CNTN4: variants seen among roughly 807,000 people sequenced by gnomAD.
CNTN4 encodes the protein contactin 4, also known as contactin-4.
CNTN4 carries 77 observed loss-of-function variants against 122.5 expected under a neutral mutation model. The observed-to-expected ratio is 0.63, with a 90% CI of 0.52 to 0.76. The LOEUF is 0.76. Among genes scored for constraint, CNTN4 ranks in the 30% least tolerant of loss-of-function variants. CNTN4 has a pLI of 0.00. For missense variants in CNTN4, 1,256 were observed against 1,259.1 expected (o/e 1.00, Z 0.04); for synonymous variants, 512 against 447.0 (o/e 1.15, Z -1.83).
At chr3:2,985,944 T>A (rs527564959) in intron 13 of CNTN4, among the ~76,000 whole-genome samples, 1 of 148,096 alleles carries the variant, frequency 6.8e-6, no homozygotes, top group South Asian at 2.2e-4. Context: ...AGACAGGGTC[T>A]CGCTCTGTCT....
At chr3:2,440,866 CAT>C (rs537820563) in intron 3 of CNTN4, among the ~76,000 whole-genome samples, 36 of 143,796 alleles carry the variant, frequency 2.5e-4, no homozygotes, top group African/African-American at 8.3e-4. Flanking sequence ...ATATATCTAA[CAT>C]ATATGTATAT....
intron 2 of CNTN4, among the ~76,000 whole-genome samples, chr3:2,117,848 T>C (rs1403613990): frequency 6.6e-6 from 1 of 152,218 alleles, no homozygotes; most frequent in African/African-American, 2.4e-5. Context: ...GATTTATTTA[T>C]TTAACAATGT....
intron 4 of CNTN4, among the ~76,000 whole-genome samples, chr3:2,711,388 T>C (rs1283536119): frequency 2.6e-5 from 4 of 152,242 alleles, no homozygotes; most frequent in African/African-American, 9.6e-5. Context: ...GAATCTTTTT[T>C]CTTTTAAATG....
intron 2 of CNTN4, among the ~76,000 whole-genome samples, chr3:2,175,398 G>T (rs2036706317): frequency 6.6e-6 from 1 of 151,866 alleles, no homozygotes; most frequent in Non-Finnish European, 1.5e-5. Context: ...TTTCAACAAG[G>T]AAAAAAAGTC....
intron 2 of CNTN4, among the ~76,000 whole-genome samples, chr3:2,189,322 G>A (rs1397248035): frequency 2.0e-5 from 3 of 152,234 alleles, no homozygotes; most frequent in South Asian, 2.1e-4. Flanking sequence ...GATGCCTGCC[G>A]CTAGAAGGCT....
At chr3:2,135,841 G>C (rs1452891926) in intron 2 of CNTN4, among the ~76,000 whole-genome samples, 1 of 152,196 alleles carries the variant, frequency 6.6e-6, no homozygotes, top group Non-Finnish European at 1.5e-5. Context: ...GGAGAGACTA[G>C]AGAGGCAAGC....
chr3:2,636,330 A>G (rs1372374630), intron 4 of CNTN4, among the ~76,000 whole-genome samples: 2 of 152,200 alleles, frequency 1.3e-5, no homozygotes, highest in Non-Finnish European at 2.9e-5. Flanking sequence ...CCCCTCTGTT[A>G]CTATTGAGGA....
At chr3:2,324,260 G>A (rs1175547864) in intron 2 of CNTN4, among the ~76,000 whole-genome samples, 2 of 133,378 alleles carry the variant, frequency 1.5e-5, no homozygotes, top group African/African-American at 2.7e-5. Flanking sequence ...AGTGGTGAGA[G>A]GAGAAGAATG....
chr3:2,234,860 C>T (rs763443514), intron 2 of CNTN4, among the ~76,000 whole-genome samples: 9 of 152,126 alleles, frequency 5.9e-5, no homozygotes, highest in Non-Finnish European at 1.0e-4. Context: ...AGTATTTTCT[C>T]ACTCACAAAA....
chr3:2,841,062 C>G lies in CNTN4; in HGVS notation c.454+21481C>G, dbSNP rs2093353797. Among the ~76,000 whole-genome samples the G allele has an allele frequency of 6.6e-6, 1 of 152,116 alleles. No individual in the cohort carries two copies. Among genetic ancestry groups the G allele is most frequent in the African/African-American group, 2.4e-5 (1 of 41,434 alleles). ...GAAATCAAAGAGTGAGGAAAAAAGT[C>G]AAGGATCTTCAAAATCATACATGAC... is the stretch of plus-strand genomic sequence containing the variant. On this transcript the variant is annotated intron_variant, in intron 7 of 24. Transcript: ENST00000418658. The surrounding 1 kb of genome is among the most constrained non-coding windows in gnomAD (Gnocchi z 4.8).
intron 3 of CNTN4, among the ~76,000 whole-genome samples, chr3:2,485,632 G>A (rs2076135574): frequency 6.6e-6 from 1 of 151,356 alleles, no homozygotes. Flanking sequence ...GGGGGGACTT[G>A]GAGAATCTTT....
At chr3:2,753,920 G>C (rs2090212415) in intron 6 of CNTN4, among the ~76,000 whole-genome samples, 2 of 152,064 alleles carry the variant, frequency 1.3e-5, no homozygotes, top group South Asian at 4.1e-4. Context: ...ATTGGTTTCA[G>C]GTTTTATAAT....
At chr3:2,114,720 C>T (rs1426689406) in intron 2 of CNTN4, among the ~76,000 whole-genome samples, 3 of 152,062 alleles carry the variant, frequency 2.0e-5, no homozygotes, top group Non-Finnish European at 4.4e-5. Context: ...GCGAATGGGA[C>T]AAATTGGGGA....
chr3:2,193,457 A>G (rs2037684987), intron 2 of CNTN4, among the ~76,000 whole-genome samples: 2 of 152,188 alleles, frequency 1.3e-5, no homozygotes, highest in South Asian at 4.1e-4. Flanking sequence ...GAAGAAAAAA[A>G]TGCTGGAAAC....
intron 6 of CNTN4, among the ~76,000 whole-genome samples, chr3:2,774,818 T>C (rs1043050257): frequency 1.3e-5 from 2 of 152,232 alleles, no homozygotes; most frequent in African/African-American, 2.4e-5. Context: ...TAATACTGTT[T>C]TCTTATTTGT....
chr3:2,912,317 A>C (rs563703992), intron 12 of CNTN4, among the ~76,000 whole-genome samples: 104 of 152,348 alleles, frequency 6.8e-4, no homozygotes, highest in African/African-American at 2.5e-3. Flanking sequence ...CTGCCAATCA[A>C]GAATACTATA....
At position 2,992,278 on chromosome 3, in the gene CNTN4, C is replaced by T. The variant is rs11919581; in HGVS notation, c.1486+3806C>T. On this transcript the variant is annotated intron_variant, in intron 14 of 24. Transcript: ENST00000418658. ...TGATTATCATCCCATCATCTGAATT[C>T]CTAAATTTTACTGGTTTTGTTTTTC... 0.078 allele frequency among the ~76,000 whole-genome samples: 11,929 copies of T among 152,168 alleles called. 810 individuals are homozygous for T. The highest frequency in any genetic ancestry group is 0.17 in the African/African-American group (7,213 of 41,488).
chr3:3,026,305 A>C, intron 15 of CNTN4, 28 bp downstream of exon 15: 2 of 1,597,154 alleles, frequency 1.3e-6, no homozygotes, highest in Non-Finnish European at 1.7e-6. Context: ...AAACTGACTC[A>C]AACTAACTTG....
At chr3:2,382,781 A>G (rs539585656) in intron 3 of CNTN4, among the ~76,000 whole-genome samples, 1 of 152,324 alleles carries the variant, frequency 6.6e-6, no homozygotes, top group African/African-American at 2.4e-5. Context: ...ATGGATTAAA[A>G]GTAAGATAAA....
Sources: allele counts gnomAD v4.1 joint callset (sites outside exome capture counted in the v4.1 genomes callset), GRCh38; gene constraint gnomAD v4.1.1; non-coding constraint Gnocchi (gnomAD v3.1); transcripts MANE v1.5; gene names NCBI Gene and HGNC (gene_info 2026-07-23, HGNC 2026-07-21).